The following KHDC4 variants were observed in gnomAD, a reference collection of about 807,000 sequenced individuals.
KHDC4 encodes KH domain containing 4, pre-mRNA splicing factor.
In KHDC4, 19 loss-of-function variants were observed where a neutral mutation model predicts 74.5. The ratio of observed to expected loss-of-function variants is 0.26; its 90% CI spans 0.18 to 0.37. The LOEUF is 0.37. KHDC4 is among the 10% of genes least tolerant of loss of function. The pLI, the probability that KHDC4 is intolerant of heterozygous loss-of-function variation, is 1.00. For missense variants in KHDC4, 632 were observed against 754.1 expected, an observed-to-expected ratio of 0.84 and a Z score of 1.90; for synonymous variants, 253 against 266.1, an observed-to-expected ratio of 0.95 and a Z score of 0.48.
At chr1:155,914,481 C>A in intron 13 of KHDC4, 161 bp from the exon 14 acceptor site, 1 of 598,076 alleles carries the variant, frequency 1.7e-6, no homozygotes, top group Non-Finnish European at 2.9e-6. Flanking sequence ...TTGAAGATCA[C>A]ACGAAAAACA....
At chr1:155,916,836 G>A (rs1673742286) in intron 11 of KHDC4, 99 bp from the exon 12 acceptor site, 1 of 752,030 alleles carries the variant, frequency 1.3e-6, no homozygotes, top group African/African-American at 1.7e-5. Flanking sequence ...TTTCTGATAA[G>A]TTGTAGTACG....
intron 4 of KHDC4, among the ~76,000 whole-genome samples, chr1:155,928,593 C>CAAAAAAAAAAA (rs10555758): frequency 1.8e-4 from 16 of 89,284 alleles, no homozygotes; most frequent in African/African-American, 6.0e-4. Flanking sequence ...ATCATAAAGA[C>CAAAAAAAAAAA]AAAAAAAAAA....
At chr1:155,920,100 T>C in intron 10 of KHDC4, 1 of 359,014 alleles carries the variant, frequency 2.8e-6, no homozygotes, top group Non-Finnish European at 5.7e-6. Flanking sequence ...CCATCCAGAT[T>C]ATTATCCAGA....
At chr1:155,916,004 A>G (rs1439475462) in intron 12 of KHDC4, 40 bp from the exon 13 acceptor site, 1 of 1,313,620 alleles carries the variant, frequency 7.6e-7, no homozygotes, top group Admixed American at 2.1e-5. Context: ...CAGACAATTT[A>G]AATTTTCTTA....
rs1674193409 is a variant in KHDC4 at position 155,933,766 on chromosome 1, C to G, written c.122G>C (p.Ser41Thr). 1.2e-6 allele frequency: 2 copies of G among 1,601,968 alleles called. No individual in the cohort carries two copies. The highest frequency in any genetic ancestry group is 1.7e-6 in the Non-Finnish European group (2 of 1,173,310). ...TGTGGTGCCCCCAGGACTTCCCCCA[C>G]TGCTGGTGACCTCCCCACCTGGGGC... Reference protein sequence around the residue: ...PAAPGGEVTSSGGSPGGTTAA... With the variant: ...PAAPGGEVTSTGGSPGGTTAA... Residue 41 changes from serine (S) to threonine (T), a missense_variant, in exon 2 of 14, where the codon AGT becomes ACT. This residue lies in a region of KHDC4 where 104 missense variants were observed against 78.1 expected (regional missense o/e 1.33). Coordinates refer to ENST00000368321, the MANE Select transcript of KHDC4 (RefSeq NM_014949.4).
chr1:155,915,457 T>G, intron 13 of KHDC4: 1 of 155,052 alleles, frequency 6.4e-6, no homozygotes, highest in Non-Finnish European at 1.4e-5. Context: ...TTATAGAGGT[T>G]GGATTAAACA....
rs1337426369 is a variant in KHDC4, at chr1:155,925,710, AAG to A, written c.813_814del (p.Phe272ProfsTer10). 1 of 1,614,048 alleles carries A rather than the reference AAG, an allele frequency of 6.2e-7. No individual in the cohort carries two copies. The highest frequency in any genetic ancestry group is 1.3e-5 in the African/African-American group (1 of 74,916). ...GCAGCCTGAACCTTTGCCCCGCAGGAAGACTTTGGCACCTGTTTCAATCTGAA... is the reference window on the plus strand; with the variant it reads ...GCAGCCTGAACCTTTGCCCCGCAGGAACTTTGGCACCTGTTTCAATCTGAA... On this transcript the variant is annotated frameshift_variant, in exon 7 of 14. Coordinates refer to ENST00000368321, the MANE Select transcript of KHDC4 (RefSeq NM_014949.4). LOFTEE classifies it high-confidence loss of function.
In KHDC4 at chr1:155,921,577, T is replaced by C. The variant is rs1673864226; in HGVS notation, c.1064A>G (p.Tyr355Cys). 6.2e-7 allele frequency: 1 copy of C among 1,613,956 alleles called. No individual in the cohort carries two copies. Among genetic ancestry groups the C allele is most frequent in the Non-Finnish European group, 8.5e-7 (1 of 1,179,950 alleles). ...ISSVPPQPPY[Y>C]PSNGYQSGYP... Reference sequence around the variant, plus strand: ...ACCAGACTGATAGCCATTGGATGGATAATATGGTGGTTGAGGAGGGACACT... The same window carrying C: ...ACCAGACTGATAGCCATTGGATGGACAATATGGTGGTTGAGGAGGGACACT... Residue 355 changes from tyrosine (Y) to cysteine (C), a missense_variant, in exon 10 of 14, where the codon TAT becomes TGT. Physicochemically the swap from Tyr to Cys is radical, Grantham distance 194. Around this residue, in one of 4 missense-constraint regions of KHDC4, gnomAD observed 254 missense variants for 267.4 expected, o/e 0.95. Transcript: ENST00000368321.
intron 10 of KHDC4, chr1:155,920,037 T>C (rs1346932987): frequency 1.9e-6 from 1 of 513,968 alleles, no homozygotes; most frequent in African/African-American, 1.9e-5. Flanking sequence ...CATAAATCCA[T>C]TACCATGCTC....
In KHDC4 at chr1:155,925,620, ATCCAT is replaced by A. The variant is rs762661392; in HGVS notation, c.893+7_893+11del. On this transcript the variant is annotated splice_region_variant and intron_variant, in intron 7 of 13. Coordinates refer to ENST00000368321, the MANE Select transcript of KHDC4 (RefSeq NM_014949.4). ...CAAGAATTCACATGTCCCCTGCCCT[ATCCAT>A]CCATACCTGATGTAAATATACATAG... 7 of 1,608,232 alleles carry A rather than the reference ATCCAT, an allele frequency of 4.4e-6. No individual in the cohort carries two copies. The highest frequency in any genetic ancestry group is 3.4e-6 in the Non-Finnish European group (4 of 1,174,728).
rs1242867325 is a variant in KHDC4 at position 155,913,076 on chromosome 1, A to G, written c.*1045T>C. ...TTATAGATTTATTTATAATGAAATT[A>G]TGGTCTAAATATTTACAACATATAG... is the stretch of plus-strand genomic sequence containing the variant. On this transcript the variant is annotated 3_prime_UTR_variant, in exon 14 of 14. Coordinates refer to ENST00000368321, the MANE Select transcript of KHDC4 (RefSeq NM_014949.4). 6.5e-6 allele frequency: 1 copy of G among 152,678 alleles called. No individual in the cohort carries two copies. Among genetic ancestry groups the G allele is most frequent in the East Asian group, 1.9e-4 (1 of 5,206 alleles). 9.5% of individuals were successfully genotyped at this position (152,678 alleles called of 1,614,324 possible).
intron 8 of KHDC4, 134 bp from the exon 9 acceptor site, chr1:155,922,052 C>G: frequency 1.8e-6 from 1 of 551,382 alleles, no homozygotes; most frequent in East Asian, 3.4e-5. Context: ...CAAATTTAAA[C>G]TTGTTTAACC....
Position 155,917,667 on chromosome 1 carries a change from C to T in KHDC4, c.1272G>A (p.Pro424=), listed in dbSNP as rs565165421. 7.9e-5 allele frequency: 121 copies of T among 1,536,854 alleles called. No homozygotes were observed. Among genetic ancestry groups the T allele is most frequent in the Admixed American group, 3.6e-4 (16 of 44,194 alleles). Residue 424 remains proline, a synonymous_variant, in exon 11 of 14, where the codon CCG becomes CCA. Transcript: ENST00000368321. ...VQPPASTGQS[P]MGGPFIPAAP... is the part of the protein sequence containing the mutation. ...CAGCAGGAATAAAAGGACCACCCAT[C>T]GGACTCTGGGACCAAAACAAACCAA...
At chr1:155,917,444 G>A (rs561246314) in intron 11 of KHDC4, 55 bp downstream of exon 11, 152 of 1,347,628 alleles carry the variant, frequency 1.1e-4, no homozygotes, top group Middle Eastern at 8.1e-4. Flanking sequence ...TTTTTAAAGG[G>A]AGAATATAGT....
chr1:155,929,702 G>T lies in KHDC4; in HGVS notation c.384+10C>A. 6.2e-7 allele frequency: 1 copy of T among 1,606,500 alleles called. No homozygotes were observed. Among genetic ancestry groups the T allele is most frequent in the African/African-American group, 1.3e-5 (1 of 74,674 alleles). ...ACCGCCCTCCCCAAAGAGTCTCAAT[G>T]CCTCCTCACCTCGTCTTGAGTCTGT... On this transcript the variant is annotated intron_variant, in intron 3 of 13. Coordinates refer to ENST00000368321, the MANE Select transcript of KHDC4 (RefSeq NM_014949.4).
chr1:155,920,436 C>CA (rs896749720), intron 10 of KHDC4, among the ~76,000 whole-genome samples: 9 of 149,332 alleles, frequency 6.0e-5, no homozygotes, highest in South Asian at 2.1e-4. Context: ...GACTCTGTCT[C>CA]AAAAAAAAAA....
chr1:155,923,493 G>A (rs1673914135), intron 8 of KHDC4, 134 bp downstream of exon 8: 1 of 656,338 alleles, frequency 1.5e-6, no homozygotes, highest in South Asian at 1.8e-5. Flanking sequence ...ATAAATTTGT[G>A]TTATTTTAAG....
Position 155,914,325 on chromosome 1 carries a change from A to T in KHDC4, c.1646-5T>A. 1.2e-6 allele frequency: 2 copies of T among 1,612,134 alleles called. No individual in the cohort carries two copies. Among genetic ancestry groups the T allele is most frequent in the Non-Finnish European group, 8.5e-7 (1 of 1,178,390 alleles). On this transcript the variant is annotated splice_polypyrimidine_tract_variant and splice_region_variant and intron_variant, in intron 13 of 13. Coordinates refer to ENST00000368321, the MANE Select transcript of KHDC4 (RefSeq NM_014949.4). Reference sequence around the variant, plus strand: ...TCATCTTCTTGGCTGGATAATCTAGAATAGAGAAAAAACAACCCCAACCCC... The same window carrying T: ...TCATCTTCTTGGCTGGATAATCTAGTATAGAGAAAAAACAACCCCAACCCC...
rs746011529 is a variant in KHDC4 at position 155,921,453 on chromosome 1, C to T, written c.1188G>A (p.Pro396=). The change falls in exon 10 of 14, where the codon CCG becomes CCA. Residue 396 remains proline, a synonymous_variant. Coordinates refer to ENST00000368321, the MANE Select transcript of KHDC4 (RefSeq NM_014949.4). ...PAVSLAPGVL[P]ALPTGVPPVP... ...CAGGTGGGACTCCAGTAGGTAATGC[C>T]GGCAAGACTCCAGGTGCTAATGAAA... 5 of 1,614,026 alleles carry T rather than the reference C, an allele frequency of 3.1e-6. No individual in the cohort carries two copies. The highest frequency in any genetic ancestry group is 2.2e-5 in the East Asian group (1 of 44,876).
Sources: gnomAD v4.1 joint callset for allele counts (sites outside exome capture counted in the v4.1 genomes callset) on GRCh38, gnomAD v4.1.1 for gene constraint, gnomAD v4.1.1 regional missense constraint, MANE v1.5 for transcripts, NCBI Gene and HGNC (gene_info 2026-07-23, HGNC 2026-07-21) for gene names.